The following FGGY variants were observed in gnomAD, a reference collection of about 807,000 sequenced individuals.
FGGY encodes the protein FGGY carbohydrate kinase domain-containing protein.
Under a neutral mutation model 71.3 loss-of-function variants are expected in FGGY, and 72 were observed. That is an observed-to-expected ratio of 1.01 (90% CI 0.84 to 1.23). The LOEUF is 1.23. FGGY is among the 50% of genes most tolerant of loss of function. FGGY has a pLI of 0.00. For missense variants in FGGY, 668 were observed against 682.3 expected, an observed-to-expected ratio of 0.98 and a Z score of 0.23; for synonymous variants, 251 against 250.3, an observed-to-expected ratio of 1.00 and a Z score of -0.02.
intron 1 of FGGY, among the ~76,000 whole-genome samples, chr1:59,302,506 A>G (rs558283901): frequency 6.6e-6 from 1 of 152,162 alleles, no homozygotes; most frequent in Non-Finnish European, 1.5e-5. Context: ...CATGTCCTTT[A>G]CAGCAGCATG....
intron 4 of FGGY, among the ~76,000 whole-genome samples, chr1:59,370,153 T>C (rs2057343881): frequency 6.6e-6 from 1 of 151,142 alleles, no homozygotes; most frequent in African/African-American, 2.5e-5. Flanking sequence ...GGCAAAGAAG[T>C]TAAAAACTTT....
intron 12 of FGGY, among the ~76,000 whole-genome samples, chr1:59,661,593 GA>G (rs1410380206): frequency 2.0e-5 from 3 of 151,888 alleles, no homozygotes; most frequent in South Asian, 4.1e-4. Flanking sequence ...TGAAAATAGA[GA>G]AAAAAAGTGT....
chr1:59,344,988 CT>C (rs1355254299), intron 3 of FGGY, among the ~76,000 whole-genome samples: 1 of 152,122 alleles, frequency 6.6e-6, no homozygotes, highest in African/African-American at 2.4e-5. Context: ...TTTATCTGTT[CT>C]CTATGCAGAT....
intron 5 of FGGY, among the ~76,000 whole-genome samples, chr1:59,392,144 G>A (rs1396902652): frequency 1.3e-5 from 2 of 152,104 alleles, no homozygotes; most frequent in African/African-American, 2.4e-5. Flanking sequence ...CAGTCTTTGT[G>A]AACTCTTAAA....
At chr1:59,535,895 T>G (rs1162012420) in intron 7 of FGGY, among the ~76,000 whole-genome samples, 10 of 145,772 alleles carry the variant, frequency 6.9e-5, no homozygotes, top group African/African-American at 2.1e-4. Context: ...GATCCAAAAT[T>G]GACACCGTAA....
At chr1:59,592,734 A>T (rs1178123319) in intron 8 of FGGY, among the ~76,000 whole-genome samples, 1 of 146,392 alleles carries the variant, frequency 6.8e-6, no homozygotes. Context: ...GAATTGAACA[A>T]TGAGAATACA....
At chr1:59,561,299 C>T (rs1481385328) in intron 8 of FGGY, among the ~76,000 whole-genome samples, 5 of 152,094 alleles carry the variant, frequency 3.3e-5, no homozygotes, top group Non-Finnish European at 4.4e-5. Context: ...GACCTGTTGT[C>T]GTCAGCCCTC....
intron 7 of FGGY, among the ~76,000 whole-genome samples, chr1:59,550,025 A>G (rs1315849741): frequency 6.6e-6 from 1 of 152,192 alleles, no homozygotes; most frequent in African/African-American, 2.4e-5. Flanking sequence ...TAGTTCAACA[A>G]ACATTTATTG....
intron 6 of FGGY, among the ~76,000 whole-genome samples, chr1:59,462,193 A>T (rs2092291604): frequency 6.6e-6 from 1 of 152,194 alleles, no homozygotes; most frequent in South Asian, 2.1e-4. Context: ...ACCTGAGAAA[A>T]ACAAGAAATG....
intron 4 of FGGY, among the ~76,000 whole-genome samples, chr1:59,377,267 T>G (rs1203928499): frequency 6.6e-6 from 1 of 152,182 alleles, no homozygotes; most frequent in Non-Finnish European, 1.5e-5. Flanking sequence ...ACACTGCTAA[T>G]AAAAACATAC....
rs80077621 is a variant in FGGY at position 59,438,263 on chromosome 1, G to A, written c.555-18698G>A. On this transcript the variant is annotated intron_variant, in intron 5 of 15. Coordinates refer to ENST00000303721, the MANE Select transcript of FGGY (RefSeq NM_018291.5). Reference sequence around the variant, plus strand: ...CTGGAATTTCAATCCAAGTTAGCCTGTTTGCAAAGCCTTTGCCCTTTCCAT... The same window carrying A: ...CTGGAATTTCAATCCAAGTTAGCCTATTTGCAAAGCCTTTGCCCTTTCCAT... Among the ~76,000 whole-genome samples the A allele has an allele frequency of 7.3e-3, 1,107 of 152,268 alleles. 19 individuals are homozygous for A. The highest frequency in any genetic ancestry group is 0.025 in the African/African-American group (1,031 of 41,548).
chr1:59,561,126 A>C (rs1014710594), intron 8 of FGGY, among the ~76,000 whole-genome samples: 3 of 152,204 alleles, frequency 2.0e-5, no homozygotes, highest in African/African-American at 7.2e-5. Flanking sequence ...AAGTGGGACC[A>C]GTTTCTCTGT....
At chr1:59,504,893 C>T (rs888754429) in intron 6 of FGGY, among the ~76,000 whole-genome samples, 2 of 152,150 alleles carry the variant, frequency 1.3e-5, no homozygotes, top group African/African-American at 4.8e-5. Flanking sequence ...AAACTAAGTT[C>T]AGCTAAATGA....
chr1:59,699,094 T>G (rs555924255), intron 14 of FGGY: 2 of 985,230 alleles, frequency 2.0e-6, no homozygotes, highest in African/African-American at 3.5e-5. Context: ...ATTTTTACTC[T>G]GAAAGCTTTT....
chr1:59,487,829 C>T (rs2093700198), intron 6 of FGGY, among the ~76,000 whole-genome samples: 1 of 152,078 alleles, frequency 6.6e-6, no homozygotes, highest in Non-Finnish European at 1.5e-5. Flanking sequence ...CCCAAGGCTC[C>T]TCCTCAGCCC....
intron 1 of FGGY, among the ~76,000 whole-genome samples, chr1:59,313,544 G>A (rs1160547897): frequency 6.6e-6 from 1 of 151,702 alleles, no homozygotes; most frequent in Admixed American, 6.6e-5. Flanking sequence ...TCAATAAGTG[G>A]GTAAAGAAAC....
intron 8 of FGGY, among the ~76,000 whole-genome samples, chr1:59,576,479 G>T (rs1256821990): frequency 1.3e-5 from 2 of 152,068 alleles, no homozygotes; most frequent in African/African-American, 4.8e-5. Context: ...ATGACGGGTT[G>T]ATAGGTGCAG....
chr1:59,542,118 C>T (rs1309157637), intron 7 of FGGY, among the ~76,000 whole-genome samples: 1 of 152,190 alleles, frequency 6.6e-6, no homozygotes, highest in African/African-American at 2.4e-5. Context: ...GAAAGAGGGC[C>T]TCAGTAAAGA....
At chr1:59,612,109 A>C (rs2096689156) in intron 9 of FGGY, among the ~76,000 whole-genome samples, 1 of 151,910 alleles carries the variant, frequency 6.6e-6, no homozygotes, top group Non-Finnish European at 1.5e-5. Context: ...CAACCTAGCT[A>C]GGCAGACCAA....
Sources: allele counts gnomAD v4.1 joint callset (sites outside exome capture counted in the v4.1 genomes callset), GRCh38; gene constraint gnomAD v4.1.1; transcripts MANE v1.5; gene names NCBI Gene and HGNC (gene_info 2026-07-23, HGNC 2026-07-21).